The following KIF5C variants were observed in gnomAD, a reference collection of about 807,000 sequenced individuals.
The protein encoded by KIF5C is kinesin family member 5C, also known as kinesin heavy chain isoform 5C.
A neutral mutation model predicts 125.2 loss-of-function variants in KIF5C; 18 were observed. The ratio of observed to expected loss-of-function variants is 0.14; its 90% CI spans 0.10 to 0.21. The LOEUF (loss-of-function observed/expected upper bound fraction) is 0.21. Ranked by LOEUF, KIF5C falls within the 10% of genes least tolerant of loss-of-function variation. The pLI, the probability that KIF5C is intolerant of heterozygous loss-of-function variation, is 1.00. For synonymous variants in KIF5C, 405 were observed against 434.0 expected (o/e 0.93, Z 0.83); for missense variants, 780 against 1,183.8 (o/e 0.66, Z 5.01).
At chr2:148,972,506 C>T (rs1680945158) in intron 11 of KIF5C, among the ~76,000 whole-genome samples, 3 of 152,162 alleles carry the variant, frequency 2.0e-5, no homozygotes, top group Admixed American at 2.0e-4. Context: ...CTTTGATGTT[C>T]TTGTTGGAGA....
intron 15 of KIF5C, among the ~76,000 whole-genome samples, chr2:148,985,185 G>C (rs1221758703): frequency 6.6e-6 from 1 of 152,070 alleles, no homozygotes; most frequent in Admixed American, 6.6e-5. Flanking sequence ...AGGAATAGAA[G>C]GAAGAGATAG....
intron 3 of KIF5C, among the ~76,000 whole-genome samples, chr2:148,934,341 C>T (rs974044154): frequency 6.6e-6 from 1 of 151,560 alleles, no homozygotes; most frequent in Non-Finnish European, 1.5e-5. Flanking sequence ...ACATCACACA[C>T]ATCCATATAG....
At chr2:148,946,804 T>A in intron 7 of KIF5C, 95 bp from the exon 8 acceptor site, 1 of 1,535,446 alleles carries the variant, frequency 6.5e-7, no homozygotes, top group Non-Finnish European at 8.7e-7. Context: ...ATGAAATGGA[T>A]CTATTAGGCA....
chr2:148,954,268 G>T (rs1415600547), intron 10 of KIF5C, among the ~76,000 whole-genome samples: 1 of 152,130 alleles, frequency 6.6e-6, no homozygotes, highest in African/African-American at 2.4e-5. Context: ...TGTTCTCAAA[G>T]AGCTTTTAAT....
At chr2:148,935,635 T>C (rs1558904998) in intron 3 of KIF5C, among the ~76,000 whole-genome samples, 1 of 152,234 alleles carries the variant, frequency 6.6e-6, no homozygotes, top group Non-Finnish European at 1.5e-5. Flanking sequence ...TCCTAAGATA[T>C]ATATTAATTG....
chr2:148,990,718 A>T (rs770384138), intron 15 of KIF5C, among the ~76,000 whole-genome samples: 90 of 152,324 alleles, frequency 5.9e-4, no homozygotes, highest in Non-Finnish European at 1.1e-3. Context: ...ATCTCCTTTT[A>T]AAAATCTTCA....
chr2:148,991,218 A>T lies in KIF5C; in HGVS notation c.1905+20A>T. 6.2e-7 allele frequency: 1 copy of T among 1,610,012 alleles called. No individual in the cohort carries two copies. Among genetic ancestry groups the T allele is most frequent in the Admixed American group, 1.7e-5 (1 of 59,766 alleles). On this transcript the variant is annotated intron_variant, in intron 16 of 25. Coordinates refer to ENST00000435030, the MANE Select transcript of KIF5C (RefSeq NM_004522.3). ...TCCCAGGTGGGCCCTTCCCTTCCCC[A>T]TCATTGCACTCTTGTTGTCTTGAGA...
At chr2:148,945,765 A>C (rs1021391725) in intron 7 of KIF5C, among the ~76,000 whole-genome samples, 4 of 150,452 alleles carry the variant, frequency 2.7e-5, no homozygotes, top group Non-Finnish European at 5.9e-5. Flanking sequence ...GAGACCTTCA[A>C]CTCTGTTCTT....
intron 21 of KIF5C, among the ~76,000 whole-genome samples, chr2:149,001,026 C>T (rs545877079): frequency 1.3e-5 from 2 of 152,328 alleles, no homozygotes; most frequent in African/African-American, 2.4e-5. Flanking sequence ...TGAATTGCAA[C>T]TTAGCAATTT....
At chr2:148,988,817 G>T (rs1681450704) in intron 15 of KIF5C, among the ~76,000 whole-genome samples, 1 of 152,216 alleles carries the variant, frequency 6.6e-6, no homozygotes, top group Non-Finnish European at 1.5e-5. Context: ...ATCTTTGGCA[G>T]TCGGAAGTAA....
intron 11 of KIF5C, among the ~76,000 whole-genome samples, chr2:148,965,519 G>A (rs968471224): frequency 1.3e-5 from 2 of 152,182 alleles, no homozygotes; most frequent in East Asian, 1.9e-4. Context: ...AGTTTCAGGC[G>A]AGAAGGAGAG....
chr2:148,989,866 G>A (rs1681479022), intron 15 of KIF5C, among the ~76,000 whole-genome samples: 1 of 152,100 alleles, frequency 6.6e-6, no homozygotes, highest in African/African-American at 2.4e-5. Context: ...CCAAATTTCA[G>A]GGCTGATACC....
In KIF5C at chr2:148,876,674, G is replaced by A. The variant is rs1461924912; in HGVS notation, c.126+931G>A. Among the ~76,000 whole-genome samples the A allele has an allele frequency of 6.6e-6, 1 of 152,084 alleles. No individual in the cohort carries two copies. Among genetic ancestry groups the A allele is most frequent in the Non-Finnish European group, 1.5e-5 (1 of 67,996 alleles). On this transcript the variant is annotated intron_variant, in intron 1 of 25. Transcript: ENST00000435030. This position sits in a 1 kb window ranked among gnomAD's most constrained non-coding sequence, Gnocchi z 4.7. ...AGCTGGGGCTGCTGGTAGGGGGAGG[G>A]AACACCAATGGATTGTAGTTCTTAA... is the stretch of plus-strand genomic sequence containing the variant.
At chr2:148,940,772 A>G (rs962710160) in intron 4 of KIF5C, among the ~76,000 whole-genome samples, 2 of 152,196 alleles carry the variant, frequency 1.3e-5, no homozygotes, top group African/African-American at 2.4e-5. Context: ...GTAAAGCCCT[A>G]TGGCTTCATG....
chr2:148,889,766 C>T (rs144777939), intron 1 of KIF5C, among the ~76,000 whole-genome samples: 193 of 152,256 alleles, frequency 1.3e-3, no homozygotes, highest in African/African-American at 4.4e-3. Flanking sequence ...CTCAGGGATC[C>T]GCACGTCTTT....
At chr2:148,970,698 A>T (rs750973959) in intron 11 of KIF5C, among the ~76,000 whole-genome samples, 1 of 152,182 alleles carries the variant, frequency 6.6e-6, no homozygotes, top group Non-Finnish European at 1.5e-5. Flanking sequence ...GGGCAGCTTT[A>T]GGGGAAGTCA....
At chr2:148,989,838 T>G (rs1681478761) in intron 15 of KIF5C, among the ~76,000 whole-genome samples, 1 of 152,226 alleles carries the variant, frequency 6.6e-6, no homozygotes, top group African/African-American at 2.4e-5. Context: ...CAGTTTCTAG[T>G]GTACTTCATA....
At chr2:148,897,080 G>A (rs888027618) in intron 1 of KIF5C, among the ~76,000 whole-genome samples, 12 of 152,126 alleles carry the variant, frequency 7.9e-5, no homozygotes, top group African/African-American at 2.9e-4. Context: ...TGATCTGCCC[G>A]TCTTGGCCTC....
intron 1 of KIF5C, among the ~76,000 whole-genome samples, chr2:148,890,698 G>T (rs1362269607): frequency 6.6e-6 from 1 of 152,144 alleles, no homozygotes; most frequent in Non-Finnish European, 1.5e-5. Flanking sequence ...CCTATAGCTG[G>T]ATCAGAAATA....
Sources: allele counts gnomAD v4.1 joint callset (sites outside exome capture counted in the v4.1 genomes callset), GRCh38; gene constraint gnomAD v4.1.1; non-coding constraint Gnocchi (gnomAD v3.1); transcripts MANE v1.5; gene names NCBI Gene and HGNC (gene_info 2026-07-23, HGNC 2026-07-21).